Variants in TMC3 observed in about 807,000 individuals in gnomAD.
The protein encoded by TMC3 is transmembrane channel like 3.
TMC3 carries 98 observed loss-of-function variants against 110.6 expected under a neutral mutation model. The ratio of observed to expected loss-of-function variants is 0.89; its 90% CI spans 0.75 to 1.05. TMC3 has a LOEUF of 1.05. TMC3 is among the 50% of genes least tolerant of loss of function. The probability of loss-of-function intolerance (pLI) is 0.00; values close to 1 mark genes in which losing one functional copy is unlikely to be tolerated. For synonymous variants in TMC3, 489 were observed against 513.1 expected, an observed-to-expected ratio of 0.95 and a Z score of 0.63; for missense variants, 1,319 against 1,373.2, an observed-to-expected ratio of 0.96 and a Z score of 0.62.
In TMC3 at chr15:81,332,944, T is replaced by G. The variant is rs369871350; in HGVS notation, c.2778A>C (p.Arg926=). 109 of 1,612,514 alleles carry G rather than the reference T, an allele frequency of 6.8e-5. No homozygotes were observed. The highest frequency in any genetic ancestry group is 8.6e-5 in the Non-Finnish European group (102 of 1,179,382). The change falls in exon 22 of 22, where the codon CGA becomes CGC. Residue 926 remains arginine, a synonymous_variant. Coordinates refer to ENST00000359440, the MANE Select transcript of TMC3 (RefSeq NM_001080532.3). ...GGCGGGGGACCCGGGATGCATATTG[T>G]CGCACGTTCCTGGGGTACAGCTCCA... ...DIVELYPRNV[R]QYASRVPRQP... is the part of the protein sequence containing the mutation.
chr15:81,338,914 G>A, intron 17 of TMC3, 134 bp from the exon 18 acceptor site: 2 of 973,154 alleles, frequency 2.1e-6, no homozygotes, highest in Non-Finnish European at 3.1e-6. Context: ...TAATTAATAT[G>A]GAGGATGGAA....
At chr15:81,354,745 G>T (rs921529847) in intron 9 of TMC3, among the ~76,000 whole-genome samples, 2 of 152,162 alleles carry the variant, frequency 1.3e-5, no homozygotes, top group Non-Finnish European at 1.5e-5. Context: ...ACCTTGGGCA[G>T]ATCACAACTC....
chr15:81,365,686 GAAAAAGAAA>G lies in TMC3; in HGVS notation c.312+2558_312+2566del, dbSNP rs1456850295. Among the ~76,000 whole-genome samples the G allele has an allele frequency of 1.4e-3, 125 of 91,650 alleles. 2 individuals are homozygous for G. Among genetic ancestry groups the G allele is most frequent in the Non-Finnish European group, 2.4e-3 (101 of 42,562 alleles). 60.1% of individuals were successfully genotyped at this position (91,650 alleles called of 152,430 possible). ...ACTCTGTCTCAAAAAAAAAAAAAAA[GAAAAAGAAA>G]AAAAAGAAAAAAGCAAAATCAAAAC... On this transcript the variant is annotated intron_variant, in intron 3 of 21. Transcript: ENST00000359440.
rs1448262271 is a variant in TMC3, at chr15:81,332,920, G to A, written c.2802C>T (p.Arg934=). The part of the protein sequence containing the change: ...NVRQYASRVP[R]QPPSPQLSEE... The stretch of plus-strand genomic sequence containing the variant: ...CACTCAGCTGTGGGGAGGGAGGCTG[G>A]CGGGGGACCCGGGATGCATATTGTC... The change falls in exon 22 of 22, where the codon CGC becomes CGT. Residue 934 remains arginine (R), a synonymous_variant. Coordinates refer to ENST00000359440, the MANE Select transcript of TMC3 (RefSeq NM_001080532.3). 1 of 1,612,936 alleles carries A rather than the reference G, an allele frequency of 6.2e-7. No individual in the cohort carries two copies. The highest frequency in any genetic ancestry group is 1.1e-5 in the South Asian group (1 of 91,048).
chr15:81,345,126 G>A (rs1893799633), intron 12 of TMC3, 115 bp from the exon 13 acceptor site: 2 of 1,454,428 alleles, frequency 1.4e-6, no homozygotes, highest in African/African-American at 1.4e-5. Flanking sequence ...CATTGCTTGG[G>A]AGTAATCATT....
In TMC3 at chr15:81,372,870, C is replaced by CGTGCGTGT. The variant is rs1555429987; in HGVS notation, c.90-134_90-133insACACGCAC. On this transcript the variant is annotated intron_variant, in intron 1 of 21. Transcript: ENST00000359440. ...TGTATGAAATGTGTATGTGTTTGTG[C>CGTGCGTGT]GTGTGTGTGTGTGTGTGTGTGTGTG... 1.4e-4 allele frequency: 78 copies of CGTGCGTGT among 555,724 alleles called. 1 individual carries two copies. The East Asian group carries it at 1.4e-3, about 10-fold the overall frequency. The allele number at this position is 555,724 out of a possible 1,614,324, so 34.4% of individuals were successfully genotyped here. A position where few individuals can be genotyped will look rare whatever the true frequency, so the allele number is the denominator to read the frequency against.
At chr15:81,358,056 C>CT in intron 7 of TMC3, 93 bp downstream of exon 7, 1 of 1,397,138 alleles carries the variant, frequency 7.2e-7, no homozygotes, top group East Asian at 2.5e-5. Context: ...AGCAGTCATA[C>CT]TTTTTTAAAA....
At position 81,332,832 on chromosome 15, in the gene TMC3, T is replaced by C. The variant is rs1481479533; in HGVS notation, c.2890A>G (p.Ile964Val). 6.2e-7 allele frequency: 1 copy of C among 1,613,088 alleles called. No homozygotes were observed. Among genetic ancestry groups the C allele is most frequent in the African/African-American group, 1.3e-5 (1 of 74,920 alleles). The change falls in exon 22 of 22, where the codon ATA becomes GTA. Residue 964 changes from isoleucine (I) to valine (V), a missense_variant. Ile to Val is a conservative substitution (Grantham distance 29). Transcript: ENST00000359440. ...AAATGAGGAGCCCGACGGAGGTCTA[T>C]CAGGGAGCGTGGGGGAAGAGACCGT... is the stretch of plus-strand genomic sequence containing the variant. The part of the protein sequence containing the change: ...IKRSLPPRSL[I>V]DLRRAPHFYI...
rs758062227 is a variant in TMC3, at chr15:81,351,815, A to G, written c.962T>C (p.Ile321Thr). 69 of 1,612,006 alleles carry G rather than the reference A, an allele frequency of 4.3e-5. No homozygotes were observed. Among genetic ancestry groups the G allele is most frequent in the Admixed American group, 1.0e-4 (6 of 59,830 alleles). ...TGAGAGAAGCACCAGGATGTTGGCAATAATCCTCAGGCAGATGGTCACTGC... is the reference window on the plus strand; with the variant it reads ...TGAGAGAAGCACCAGGATGTTGGCAGTAATCCTCAGGCAGATGGTCACTGC... ...NLAVTICLRI[I>T]ANILVLLSLA... The change falls in exon 10 of 22, where the codon ATT becomes ACT. Residue 321 changes from isoleucine to threonine, a missense_variant. By Grantham distance (89) the Ile-to-Thr change is moderately conservative (BLOSUM62 -1). Coordinates refer to ENST00000359440, the MANE Select transcript of TMC3 (RefSeq NM_001080532.3).
intron 4 of TMC3, 93 bp from the exon 5 acceptor site, chr15:81,359,564 C>G (rs1894143477): frequency 1.2e-6 from 1 of 803,880 alleles, no homozygotes; most frequent in Non-Finnish European, 2.0e-6. Flanking sequence ...TTTTTACATC[C>G]ACGGGACATA....
intron 15 of TMC3, chr15:81,342,838 A>G (rs1313218773): frequency 6.5e-6 from 1 of 154,064 alleles, no homozygotes. Flanking sequence ...GGTGGGGAGC[A>G]GTCTAGGGGA....
rs1170329375 is a variant in TMC3, at chr15:81,332,778, T to C, written c.2944A>G (p.Thr982Ala). ...FYIGERSESQ[T>A]RDPEHQGRVH... The stretch of plus-strand genomic sequence containing the variant: ...CTCCCCTGGTGCTCGGGATCCCGGG[T>C]CTGACTTTCGGACCTCTCCCCAATA... The change falls in exon 22 of 22, where the codon ACC becomes GCC. Residue 982 changes from threonine to alanine, a missense_variant. Coordinates refer to ENST00000359440, the MANE Select transcript of TMC3 (RefSeq NM_001080532.3). 1.2e-6 allele frequency: 2 copies of C among 1,611,582 alleles called. No individual in the cohort carries two copies. Among genetic ancestry groups the C allele is most frequent in the Non-Finnish European group, 1.7e-6 (2 of 1,178,862 alleles).
At chr15:81,365,462 G>T (rs1043245199) in intron 3 of TMC3, among the ~76,000 whole-genome samples, 7 of 152,190 alleles carry the variant, frequency 4.6e-5, no homozygotes, top group Non-Finnish European at 1.0e-4. Context: ...CACAAGGTCA[G>T]GAGTTCGAGA....
At chr15:81,372,242 A>G (rs1894449241) in intron 2 of TMC3, among the ~76,000 whole-genome samples, 1 of 151,788 alleles carries the variant, frequency 6.6e-6, no homozygotes, top group African/African-American at 2.4e-5. Context: ...ATTAAAATCT[A>G]GTGTTTAGAA....
intron 3 of TMC3, 106 bp downstream of exon 3, chr15:81,368,147 A>T: frequency 1.3e-6 from 1 of 777,562 alleles, no homozygotes; most frequent in Non-Finnish European, 2.2e-6. Flanking sequence ...GTTAGCCAGG[A>T]TGGTCTTGAT....
intron 2 of TMC3, among the ~76,000 whole-genome samples, chr15:81,370,370 G>A (rs907822654): frequency 3.3e-5 from 5 of 152,212 alleles, no homozygotes; most frequent in African/African-American, 1.2e-4. Context: ...AGGTGATGGA[G>A]AGGAGATATG....
chr15:81,343,037 T>C (rs1893747944), intron 15 of TMC3: 6 of 444,440 alleles, frequency 1.4e-5, no homozygotes, highest in Non-Finnish European at 2.0e-5. Flanking sequence ...TCTGTGCAGA[T>C]TTTTTTCGGC....
chr15:81,368,475 A>C, intron 2 of TMC3, 147 bp from the exon 3 acceptor site: 1 of 552,442 alleles, frequency 1.8e-6, no homozygotes, highest in South Asian at 2.2e-5. Flanking sequence ...GAGTTACACA[A>C]ATACTTCATG....
chr15:81,339,446 T>A lies in TMC3; in HGVS notation c.1903A>T (p.Thr635Ser). 1 of 1,611,088 alleles carries A rather than the reference T, an allele frequency of 6.2e-7. No individual in the cohort carries two copies. Among genetic ancestry groups the A allele is most frequent in the Non-Finnish European group, 8.5e-7 (1 of 1,178,630 alleles). ...TTGTATCGGACAATAGCAAAAATGG[T>A]TGGCAGCATGCACAGAAACAGCATA... The part of the protein sequence containing the change: ...LFMLFLCMLP[T>S]IFAIVRYKPS... The change falls in exon 17 of 22, where the codon ACC becomes TCC. Residue 635 changes from threonine to serine, a missense_variant. Thr to Ser is a moderately conservative substitution (Grantham distance 58, BLOSUM62 1). Coordinates refer to ENST00000359440, the MANE Select transcript of TMC3 (RefSeq NM_001080532.3).
Sources: allele counts gnomAD v4.1 joint callset (sites outside exome capture counted in the v4.1 genomes callset), GRCh38; gene constraint gnomAD v4.1.1; transcripts MANE v1.5; gene names NCBI Gene and HGNC (gene_info 2026-07-23, HGNC 2026-07-21).